Variants in CECR2 observed in about 807,000 individuals in gnomAD.
The protein encoded by CECR2 is CECR2 histone acetyl-lysine reader, also known as chromatin remodeling regulator CECR2.
In CECR2, 30 loss-of-function variants were observed where a neutral mutation model predicts 154.5. That is an observed-to-expected ratio of 0.19 (90% CI 0.15 to 0.26). The LOEUF is 0.26. CECR2 is among the 10% of genes least tolerant of loss of function. The pLI is 1.00. For missense variants in CECR2, 1,743 were observed against 1,829.3 expected (o/e 0.95, Z 0.86); for synonymous variants, 725 against 683.7 (o/e 1.06, Z -0.94).
intron 7 of CECR2, among the ~76,000 whole-genome samples, chr22:17,505,629 G>A (rs1036368222): frequency 7.3e-6 from 1 of 137,738 alleles, no homozygotes; most frequent in Admixed American, 7.9e-5. Context: ...TGCCTTCCAA[G>A]TTCAAGCGAT....
intron 8 of CECR2, among the ~76,000 whole-genome samples, chr22:17,515,059 C>G (rs1426417268): frequency 6.6e-6 from 1 of 150,952 alleles, no homozygotes; most frequent in African/African-American, 2.4e-5. Flanking sequence ...TTGTTGTTCA[C>G]AACATAGATT....
intron 1 of CECR2, among the ~76,000 whole-genome samples, chr22:17,418,414 C>G (rs16982398): frequency 0.64 from 97,040 of 152,114 alleles, 31,498 homozygotes; most frequent in Admixed American, 0.75. Context: ...CTGTCTTTGC[C>G]CGGAACTGTA....
intron 1 of CECR2, among the ~76,000 whole-genome samples, chr22:17,382,994 G>A (rs560520856): frequency 9.2e-5 from 14 of 152,276 alleles, no homozygotes; most frequent in East Asian, 1.9e-4. Flanking sequence ...TTGGGAGGCC[G>A]AGGCGGGTGG....
At chr22:17,437,533 T>A (rs2054524879) in intron 1 of CECR2, among the ~76,000 whole-genome samples, 1 of 152,200 alleles carries the variant, frequency 6.6e-6, no homozygotes, top group Admixed American at 6.6e-5. Flanking sequence ...TTTGATCATA[T>A]GATATTTCTT....
At chr22:17,390,515 G>T (rs533974503) in intron 1 of CECR2, among the ~76,000 whole-genome samples, 19 of 152,326 alleles carry the variant, frequency 1.2e-4, no homozygotes, top group Non-Finnish European at 2.4e-4. Context: ...AAATTAACCC[G>T]TTAGGAATTG....
intron 9 of CECR2, among the ~76,000 whole-genome samples, chr22:17,525,541 A>G (rs174329): frequency 0.99 from 150,827 of 152,144 alleles, 74,768 homozygotes; most frequent in Admixed American, 1. Flanking sequence ...CGGAGGTGGA[A>G]GTTGCAGTGA....
intron 1 of CECR2, among the ~76,000 whole-genome samples, chr22:17,457,031 T>G (rs2054864357): frequency 6.6e-6 from 1 of 152,256 alleles, no homozygotes; most frequent in Non-Finnish European, 1.5e-5. Context: ...TATTTACTAG[T>G]TTGTTTGTTT....
At chr22:17,395,140 A>G (rs1569053388) in intron 1 of CECR2, among the ~76,000 whole-genome samples, 1 of 152,060 alleles carries the variant, frequency 6.6e-6, no homozygotes, top group Non-Finnish European at 1.5e-5. Flanking sequence ...GCAATCACTT[A>G]TGTACTTTTT....
intron 1 of CECR2, among the ~76,000 whole-genome samples, chr22:17,449,743 C>T (rs1234862070): frequency 6.6e-6 from 1 of 152,204 alleles, no homozygotes; most frequent in Non-Finnish European, 1.5e-5. Context: ...CCCGCCTCGG[C>T]CTCCCAAAGT....
chr22:17,365,270 GA>G (rs372206558), upstream of CECR2, among the ~76,000 whole-genome samples: 479 of 152,206 alleles, frequency 3.1e-3, 2 homozygotes, highest in African/African-American at 0.01. Context: ...CCTGGTTAAC[GA>G]CGGTTATGAA....
At chr22:17,422,876 C>T (rs546637030) in intron 1 of CECR2, among the ~76,000 whole-genome samples, 155 of 152,210 alleles carry the variant, frequency 1.0e-3, no homozygotes, top group African/African-American at 3.6e-3. Context: ...CTTAGAATTC[C>T]TATCTCCCTG....
intron 1 of CECR2, among the ~76,000 whole-genome samples, chr22:17,381,503 C>A (rs1473907458): frequency 6.6e-6 from 1 of 152,138 alleles, no homozygotes; most frequent in Non-Finnish European, 1.5e-5. Flanking sequence ...ATCTTCCTTA[C>A]CCCTGACTCC....
intron 7 of CECR2, among the ~76,000 whole-genome samples, chr22:17,506,284 G>A (rs973930473): frequency 2.6e-5 from 4 of 152,110 alleles, no homozygotes; most frequent in East Asian, 1.9e-4. Context: ...ATGCCACCAC[G>A]CCTGGCTAAT....
At chr22:17,414,523 TTTA>T (rs1191976958) in intron 1 of CECR2, among the ~76,000 whole-genome samples, 5 of 151,926 alleles carry the variant, frequency 3.3e-5, no homozygotes, top group Non-Finnish European at 7.4e-5. Flanking sequence ...CTGATTTTTT[TTTA>T]TTATTATACT....
rs767962917 is a variant in CECR2, at chr22:17,503,139, T to C, written c.700+8T>C. ...AGCCACAGACAAGACATGGTAATGT[T>C]CTTTACTGGCATTTAGAAAGAATTA... On this transcript the variant is annotated splice_region_variant and intron_variant, in intron 6 of 18. Coordinates refer to ENST00000262608, the MANE Select transcript of CECR2 (RefSeq NM_001290047.2). 5 of 1,609,868 alleles carry C rather than the reference T, an allele frequency of 3.1e-6. No individual in the cohort carries two copies. In the East Asian group the frequency reaches 8.9e-5, roughly 29 times the overall value.
At chr22:17,520,889 C>T (rs965395393) in intron 8 of CECR2, among the ~76,000 whole-genome samples, 3 of 152,026 alleles carry the variant, frequency 2.0e-5, no homozygotes, top group East Asian at 1.9e-4. Flanking sequence ...TGAATAGCGC[C>T]GCAATAAACA....
intron 1 of CECR2, among the ~76,000 whole-genome samples, chr22:17,462,724 G>T (rs2054961989): frequency 6.6e-6 from 1 of 152,094 alleles, no homozygotes; most frequent in Admixed American, 6.5e-5. Context: ...GACCAGCCTG[G>T]CCAAGATGGT....
chr22:17,382,165 C>T (rs557811165), intron 1 of CECR2, among the ~76,000 whole-genome samples: 2 of 152,006 alleles, frequency 1.3e-5, no homozygotes, highest in Admixed American at 1.3e-4. Context: ...GCTGGGATTA[C>T]AGGCGTGAGC....
At chr22:17,522,185 C>A (rs923571730) in intron 8 of CECR2, among the ~76,000 whole-genome samples, 3 of 152,200 alleles carry the variant, frequency 2.0e-5, no homozygotes, top group African/African-American at 7.2e-5. Context: ...TCCTCTCTTT[C>A]CCCTGCCCAT....
Sources: allele counts gnomAD v4.1 joint callset (sites outside exome capture counted in the v4.1 genomes callset), GRCh38; gene constraint gnomAD v4.1.1; transcripts MANE v1.5; gene names NCBI Gene and HGNC (gene_info 2026-07-23, HGNC 2026-07-21).